CDK6: variants seen among roughly 807,000 people sequenced by gnomAD.
CDK6 encodes cyclin-dependent kinase 6.
A neutral mutation model predicts 37.1 loss-of-function variants in CDK6; 6 were observed. The ratio of observed to expected loss-of-function variants is 0.16; its 90% CI spans 0.09 to 0.32. The LOEUF (loss-of-function observed/expected upper bound fraction) is 0.32, where lower values mean the gene tolerates loss of function less well. CDK6 is among the 10% of genes least tolerant of loss of function. The pLI is 1.00. For synonymous variants in CDK6, 160 were observed against 161.3 expected (o/e 0.99, Z 0.06); for missense variants, 224 against 418.9 (o/e 0.53, Z 4.06).
chr7:92,702,220 CTTTTTT>C (rs3066453), intron 4 of CDK6, among the ~76,000 whole-genome samples: 71 of 44,938 alleles, frequency 1.6e-3, no homozygotes, highest in South Asian at 7.0e-3. Context: ...CAAGTATATT[CTTTTTT>C]TTTTTTTTTT....
In CDK6 at chr7:92,611,354, A is replaced by G; in HGVS notation, c.*3786T>C. The G allele has an allele frequency of 4.4e-6, 1 of 227,748 alleles. No individual in the cohort carries two copies. The highest frequency in any genetic ancestry group is 8.7e-6 in the Non-Finnish European group (1 of 114,800). The allele number at this position is 227,748 out of a possible 1,614,324, so 14.1% of individuals were successfully genotyped here. On this transcript the variant is annotated 3_prime_UTR_variant, in exon 8 of 8. Coordinates refer to ENST00000424848, the MANE Select transcript of CDK6 (RefSeq NM_001145306.2). ...TTATGGTGGCATATTCACTTTTAACATTATTTTTTCCTAGACTCAACTATG... is the reference window on the plus strand; with the variant it reads ...TTATGGTGGCATATTCACTTTTAACGTTATTTTTTCCTAGACTCAACTATG...
intron 4 of CDK6, chr7:92,725,358 A>C: frequency 1.0e-6 from 1 of 979,982 alleles, no homozygotes; most frequent in Non-Finnish European, 1.2e-6. Context: ...AAGCATTTGG[A>C]AACTTGTAAC....
In CDK6 at chr7:92,815,636, C is replaced by A. The variant is rs111679048; in HGVS notation, c.233+17455G>T. Among the ~76,000 whole-genome samples the A allele has an allele frequency of 7.5e-3, 1,145 of 152,192 alleles. 24 individuals are homozygous for A. Among genetic ancestry groups the A allele is most frequent in the Non-Finnish European group, 8.3e-3 (565 of 67,996 alleles). On this transcript the variant is annotated intron_variant, in intron 2 of 7. Transcript: ENST00000424848. ...AGACCACAGGTACAGGAAGGAGGAACCTCAGAGTTCTGTAAATTCTGTAGT... is the reference window on the plus strand; with the variant it reads ...AGACCACAGGTACAGGAAGGAGGAAACTCAGAGTTCTGTAAATTCTGTAGT...
rs1801037797 is a variant in CDK6 at position 92,816,664 on chromosome 7, A to T, written c.233+16427T>A. On this transcript the variant is annotated intron_variant, in intron 2 of 7. Coordinates refer to ENST00000424848, the MANE Select transcript of CDK6 (RefSeq NM_001145306.2). ...GAAGATCCAAGCTTCTATTTTAAGA[A>T]GCTAAAACTAAGAACAAATTAAACC... is the stretch of plus-strand genomic sequence containing the variant. Among the ~76,000 whole-genome samples the T allele has an allele frequency of 2.0e-5, 3 of 152,110 alleles. No individual in the cohort carries two copies. The South Asian group carries it at 6.2e-4, about 32-fold the overall frequency.
At chr7:92,718,071 T>C (rs550507633) in intron 4 of CDK6, among the ~76,000 whole-genome samples, 1 of 152,286 alleles carries the variant, frequency 6.6e-6, no homozygotes, top group South Asian at 2.1e-4. Context: ...AGAAAACGTG[T>C]CCTGTTCCCA....
chr7:92,628,977 A>G (rs980305214), intron 5 of CDK6, among the ~76,000 whole-genome samples: 1 of 152,104 alleles, frequency 6.6e-6, no homozygotes, highest in African/African-American at 2.4e-5. Flanking sequence ...AAGTGTAGCA[A>G]AGGCAAAACG....
At chr7:92,682,241 G>A (rs1487410496) in intron 4 of CDK6, among the ~76,000 whole-genome samples, 1 of 152,136 alleles carries the variant, frequency 6.6e-6, no homozygotes, top group African/African-American at 2.4e-5. Flanking sequence ...TCAGGGTCAA[G>A]CTCAACTCTA....
intron 3 of CDK6, among the ~76,000 whole-genome samples, chr7:92,726,313 G>T (rs1408164223): frequency 1.3e-5 from 2 of 152,022 alleles, no homozygotes; most frequent in Non-Finnish European, 1.5e-5. Context: ...CAACATTTAG[G>T]TAAATAATAT....
intron 4 of CDK6, among the ~76,000 whole-genome samples, chr7:92,724,298 T>C (rs1457362495): frequency 6.6e-6 from 1 of 152,136 alleles, no homozygotes; most frequent in African/African-American, 2.4e-5. Flanking sequence ...CTCGTGCCAT[T>C]TCTCCTCTAA....
At chr7:92,793,319 G>A (rs192434117) in intron 2 of CDK6, among the ~76,000 whole-genome samples, 27 of 152,158 alleles carry the variant, frequency 1.8e-4, no homozygotes, top group African/African-American at 6.3e-4. Flanking sequence ...GAAAAACAAT[G>A]TTCGAAGACT....
intron 4 of CDK6, among the ~76,000 whole-genome samples, chr7:92,711,034 G>A (rs1798076183): frequency 6.6e-6 from 1 of 152,240 alleles, no homozygotes; most frequent in East Asian, 1.9e-4. Context: ...AGGAGTAGGA[G>A]CTGAAACCCT....
chr7:92,729,839 A>G (rs766983232), intron 3 of CDK6, among the ~76,000 whole-genome samples: 7 of 152,064 alleles, frequency 4.6e-5, no homozygotes, highest in Non-Finnish European at 8.8e-5. Context: ...TGCAACCTCT[A>G]ATTCCTAGGT....
At chr7:92,759,056 C>T (rs1333100140) in intron 3 of CDK6, among the ~76,000 whole-genome samples, 1 of 152,074 alleles carries the variant, frequency 6.6e-6, no homozygotes, top group African/African-American at 2.4e-5. Context: ...GCCAACTATC[C>T]ATGTTCTATT....
Position 92,618,143 on chromosome 7 carries a change from G to C in CDK6, c.763C>G (p.His255Asp), listed in dbSNP as rs760859717. 1.2e-6 allele frequency: 2 copies of C among 1,613,942 alleles called. No homozygotes were observed. The highest frequency in any genetic ancestry group is 2.7e-5 in the African/African-American group (2 of 74,930). Residue 255 changes from histidine (H) to aspartate (D), a missense_variant, in exon 7 of 8, where the codon CAT becomes GAT. By Grantham distance (81) the His-to-Asp change is moderately conservative. Transcript: ENST00000424848. ...RDVALPRQAFHSKSAQPIEKF... is the reference protein window; with the variant it reads ...RDVALPRQAFDSKSAQPIEKF... ...TCAATTGGTTGGGCAGATTTTGAAT[G>C]AAAAGCCTGCCTGGGAAGGGCAACA...
Position 92,610,917 on chromosome 7 carries a change from T to A in CDK6, c.*4223A>T. On this transcript the variant is annotated 3_prime_UTR_variant, in exon 8 of 8. Transcript: ENST00000424848. ...CTTAGGCATGTGTAAGAAGTATTGC[T>A]TCATGTGGTTGCCTCTTCCCTTGAA... is the stretch of plus-strand genomic sequence containing the variant. 4.4e-6 allele frequency: 1 copy of A among 228,764 alleles called. No individual in the cohort carries two copies. Among genetic ancestry groups the A allele is most frequent in the East Asian group, 6.3e-5 (1 of 15,882 alleles). The allele number at this position is 228,764 out of a possible 1,614,324, so 14.2% of individuals were successfully genotyped here.
intron 5 of CDK6, among the ~76,000 whole-genome samples, chr7:92,665,346 A>G (rs949683210): frequency 2.0e-5 from 3 of 152,162 alleles, no homozygotes; most frequent in Admixed American, 6.6e-5. Flanking sequence ...GCCACTAACC[A>G]AATTTATAAC....
chr7:92,749,979 T>C (rs1799151774), intron 3 of CDK6, among the ~76,000 whole-genome samples: 1 of 152,172 alleles, frequency 6.6e-6, no homozygotes, highest in Non-Finnish European at 1.5e-5. Flanking sequence ...ATGTTAAGAA[T>C]GAAAGTTCTA....
At chr7:92,740,689 C>T (rs1420387548) in intron 3 of CDK6, among the ~76,000 whole-genome samples, 1 of 152,154 alleles carries the variant, frequency 6.6e-6, no homozygotes, top group African/African-American at 2.4e-5. Flanking sequence ...AATTCATATT[C>T]ATTTACTCAT....
chr7:92,714,735 T>C (rs1166475390), intron 4 of CDK6, among the ~76,000 whole-genome samples: 1 of 152,224 alleles, frequency 6.6e-6, no homozygotes, highest in African/African-American at 2.4e-5. Context: ...TTTAGGAATT[T>C]ATTTCACATT....
Sources: allele counts gnomAD v4.1 joint callset (sites outside exome capture counted in the v4.1 genomes callset), GRCh38; gene constraint gnomAD v4.1.1; transcripts MANE v1.5; gene names NCBI Gene and HGNC (gene_info 2026-07-23, HGNC 2026-07-21).